BLTP1: variants seen among roughly 807,000 people sequenced by gnomAD.
BLTP1 encodes the protein bridge-like lipid transfer protein family member 1.
At chr4:122,286,810 A>G in the BLTP1 span, 1 of 1,591,208 alleles carries the variant, frequency 6.3e-7, no homozygotes, top group Non-Finnish European at 8.6e-7. Context: ...AAATTTTCTT[A>G]CTCTTCGTAA....
At chr4:122,358,793 A>G in the BLTP1 span, among the ~76,000 whole-genome samples, 6 of 152,174 alleles carry the variant, frequency 3.9e-5, no homozygotes, top group Admixed American at 3.9e-4. Context: ...CTAAGAGGAA[A>G]GCTGTATTCA....
chr4:122,243,655 T>G, the BLTP1 span: 18 of 333,490 alleles, frequency 5.4e-5, no homozygotes, highest in Non-Finnish European at 6.8e-5. Context: ...AGGAGGAGGT[T>G]GCAGTGAGCT....
chr4:122,170,732 T>G, the BLTP1 span: 2 of 1,594,258 alleles, frequency 1.3e-6, no homozygotes, highest in Non-Finnish European at 1.7e-6. Context: ...CAATGTTGTT[T>G]GGCTCCTTGT....
At chr4:122,240,241 C>G in the BLTP1 span, 18 of 1,614,030 alleles carry the variant, frequency 1.1e-5, no homozygotes, top group Non-Finnish European at 1.5e-5. Flanking sequence ...GTTAAGCACC[C>G]AACCAACAAA....
At chr4:122,170,750 TG>T in the BLTP1 span, 5 of 1,574,958 alleles carry the variant, frequency 3.2e-6, no homozygotes, top group Non-Finnish European at 4.3e-6. Context: ...TGTTGGTAAG[TG>T]GAATATTTTT....
the BLTP1 span, chr4:122,189,482 T>TA: frequency 1.1e-6 from 1 of 924,920 alleles, no homozygotes. Context: ...AATAAGAAGA[T>TA]AAAAATGATA....
chr4:122,299,496 A>C, the BLTP1 span, among the ~76,000 whole-genome samples: 1 of 152,230 alleles, frequency 6.6e-6, no homozygotes, highest in Non-Finnish European at 1.5e-5. Flanking sequence ...TGGAAATAGC[A>C]TTGAAAAGTA....
the BLTP1 span, chr4:122,223,992 G>T: frequency 1.0e-6 from 1 of 978,098 alleles, no homozygotes; most frequent in Non-Finnish European, 1.2e-6. Context: ...TTAGTAGTGA[G>T]TATGAAATTA....
At chr4:122,161,435 C>CT in the BLTP1 span, among the ~76,000 whole-genome samples, 3,629 of 140,464 alleles carry the variant, frequency 0.026, 62 homozygotes, top group Non-Finnish European at 0.037. Flanking sequence ...CTTTTGTTTT[C>CT]TTTTTTTTTT....
At chr4:122,228,998 G>T in the BLTP1 span, 5 of 788,996 alleles carry the variant, frequency 6.3e-6, no homozygotes, top group Non-Finnish European at 9.5e-6. Flanking sequence ...AATGAAATTA[G>T]ACTGATTTTT....
At chr4:122,195,189 G>A in the BLTP1 span, among the ~76,000 whole-genome samples, 1 of 152,144 alleles carries the variant, frequency 6.6e-6, no homozygotes. Context: ...ACTGACTTTT[G>A]AAATAGCATG....
chr4:122,163,409 C>T, the BLTP1 span, among the ~76,000 whole-genome samples: 2 of 152,172 alleles, frequency 1.3e-5, no homozygotes, highest in African/African-American at 2.4e-5. Flanking sequence ...TTGACATTAA[C>T]TCTCTGGCGT....
the BLTP1 span, among the ~76,000 whole-genome samples, chr4:122,268,180 T>C: frequency 6.6e-6 from 1 of 152,090 alleles, no homozygotes; most frequent in Non-Finnish European, 1.5e-5. Flanking sequence ...TATAAATGTA[T>C]AGGGAAATAA....
chr4:122,216,602 A>G, the BLTP1 span, among the ~76,000 whole-genome samples: 1 of 151,880 alleles, frequency 6.6e-6, no homozygotes, highest in Non-Finnish European at 1.5e-5. Flanking sequence ...CCACTTTTTG[A>G]TGGGATTATT....
At chr4:122,170,026 G>T in the BLTP1 span, 169 of 982,564 alleles carry the variant, frequency 1.7e-4, 1 homozygote, top group African/African-American at 2.8e-3. Context: ...GAATAATCAC[G>T]CTGGGCGCGG....
chr4:122,334,842 G>A, the BLTP1 span, among the ~76,000 whole-genome samples: 1 of 151,956 alleles, frequency 6.6e-6, no homozygotes, highest in Admixed American at 6.6e-5. Context: ...TCAAATTTGG[G>A]AGCTTATGAG....
the BLTP1 span, chr4:122,230,292 G>A: frequency 8.7e-7 from 1 of 1,150,598 alleles, no homozygotes; most frequent in Non-Finnish European, 1.3e-6. Flanking sequence ...ATTCTACTGA[G>A]AGAATGGACT....
the BLTP1 span, among the ~76,000 whole-genome samples, chr4:122,206,374 T>A: frequency 6.6e-6 from 1 of 151,886 alleles, no homozygotes; most frequent in African/African-American, 2.4e-5. Flanking sequence ...AGAAATAGAA[T>A]GCAGAAGAAA....
chr4:122,328,276 CT>C, the BLTP1 span: 1 of 1,610,900 alleles, frequency 6.2e-7, no homozygotes, highest in Non-Finnish European at 8.5e-7. Context: ...GACAGTTTGT[CT>C]TCTACCAGTG....
Sources: gnomAD v4.1 joint callset for allele counts (sites outside exome capture counted in the v4.1 genomes callset) on GRCh38, gnomAD v4.1.1 for gene constraint, MANE v1.5 for transcripts, NCBI Gene and HGNC (gene_info 2026-07-23, HGNC 2026-07-21) for gene names.